Variants in PRDM16 observed in about 807,000 individuals in gnomAD.
PRDM16 encodes histone-lysine N-methyltransferase PRDM16.
PRDM16 carries 23 observed loss-of-function variants against 110.6 expected under a neutral mutation model. The ratio of observed to expected loss-of-function variants is 0.21; its 90% CI spans 0.15 to 0.29. PRDM16 has a LOEUF of 0.29. Among genes scored for constraint, PRDM16 ranks in the 10% least tolerant of loss-of-function variants. PRDM16 has a pLI of 1.00. For missense variants in PRDM16, 1,615 were observed against 1,794.3 expected (o/e 0.90, Z 1.81); for synonymous variants, 799 against 781.8 (o/e 1.02, Z -0.37).
Position 3,244,946 on chromosome 1 carries a change from G to T in PRDM16, c.438+809G>T, listed in dbSNP as rs1018096891. 2.5e-4 allele frequency among the ~76,000 whole-genome samples: 37 copies of T among 149,888 alleles called. No homozygotes were observed. Among genetic ancestry groups the T allele is most frequent in the East Asian group, 1.4e-3 (7 of 5,126 alleles). The stretch of plus-strand genomic sequence containing the variant: ...CGTGGTGGCTGATCTCCTATTTTTT[G>T]GGGGGGGGTTTCTAGTAAAATTAAA... On this transcript the variant is annotated intron_variant, in intron 3 of 16. Transcript: ENST00000270722. This position sits in a 1 kb window ranked among gnomAD's most constrained non-coding sequence, Gnocchi z 4.1.
chr1:3,316,841 TAGGC>T (rs1187984132), intron 3 of PRDM16, among the ~76,000 whole-genome samples: 1 of 151,926 alleles, frequency 6.6e-6, no homozygotes, highest in Non-Finnish European at 1.5e-5. Context: ...TGACACAAAA[TAGGC>T]AGGAAACAGT....
chr1:3,310,366 G>T (rs561941172), intron 3 of PRDM16, among the ~76,000 whole-genome samples: 10 of 152,104 alleles, frequency 6.6e-5, no homozygotes, highest in Non-Finnish European at 1.2e-4. Context: ...CCCGGTCACC[G>T]CCCCTGAAGC....
intron 3 of PRDM16, among the ~76,000 whole-genome samples, chr1:3,364,425 G>C (rs1009963133): frequency 6.6e-6 from 1 of 152,146 alleles, no homozygotes; most frequent in Admixed American, 6.5e-5. Context: ...CTCTTGAAGC[G>C]CTCAGAGGTT....
chr1:3,404,688 G>A (rs746498323), intron 6 of PRDM16, 51 bp from the exon 7 acceptor site: 24 of 1,605,766 alleles, frequency 1.5e-5, no homozygotes, highest in South Asian at 2.2e-5. Context: ...GTCCCCTCCC[G>A]GGCAGAGGGC....
chr1:3,308,746 G>A (rs1026771987), intron 3 of PRDM16: 6 of 152,240 alleles, frequency 3.9e-5, no homozygotes, highest in Admixed American at 1.3e-4. Flanking sequence ...CCCAGTGAGG[G>A]GACAGCTCCA....
intron 2 of PRDM16, among the ~76,000 whole-genome samples, chr1:3,241,650 G>A (rs111899767): frequency 0.032 from 4,936 of 152,362 alleles, 281 homozygotes; most frequent in African/African-American, 0.11. Context: ...CCAAGCCCAC[G>A]TCAGACTCCG....
intron 1 of PRDM16, among the ~76,000 whole-genome samples, chr1:3,151,987 T>C (rs924501074): frequency 6.6e-6 from 1 of 152,224 alleles, no homozygotes; most frequent in Non-Finnish European, 1.5e-5. Flanking sequence ...GTCTGCTCTG[T>C]CCTCTGCGTG....
At chr1:3,247,621 T>C (rs1639817578) in intron 3 of PRDM16, among the ~76,000 whole-genome samples, 2 of 152,232 alleles carry the variant, frequency 1.3e-5, no homozygotes, top group Admixed American at 1.3e-4. Context: ...TCCCTCTGTC[T>C]CACACCCTGG....
At chr1:3,312,821 T>G (rs3192920) in intron 3 of PRDM16, among the ~76,000 whole-genome samples, 15,762 of 152,342 alleles carry the variant, frequency 0.1, 986 homozygotes, top group East Asian at 0.32. Flanking sequence ...TTCTGAAAAG[T>G]GTGCCTAGAT....
chr1:3,355,994 G>A (rs1642588982), intron 3 of PRDM16, among the ~76,000 whole-genome samples: 1 of 152,146 alleles, frequency 6.6e-6, no homozygotes, highest in Non-Finnish European at 1.5e-5. Context: ...CTGATGAGTG[G>A]CCCGTTGGTG....
intron 1 of PRDM16, among the ~76,000 whole-genome samples, chr1:3,162,647 C>T (rs1299924052): frequency 6.6e-6 from 1 of 152,250 alleles, no homozygotes; most frequent in Non-Finnish European, 1.5e-5. Flanking sequence ...AGCCCGTGCG[C>T]CGATGGAGGC....
chr1:3,410,646 G>A (rs2493295), intron 8 of PRDM16, among the ~76,000 whole-genome samples: 1,773 of 152,276 alleles, frequency 0.012, 32 homozygotes, highest in African/African-American at 0.039. Flanking sequence ...GGTGCGGAGA[G>A]GGGAGGTGGG....
At chr1:3,418,629 T>G (rs1456458684) in intron 11 of PRDM16, 38 bp from the exon 12 acceptor site, 2 of 1,408,642 alleles carry the variant, frequency 1.4e-6, no homozygotes, top group Non-Finnish European at 2.0e-6. Context: ...AAGCCCACCC[T>G]AATCCTCCCT....
At position 3,299,080 on chromosome 1, in the gene PRDM16, C is replaced by T. The variant is rs552707262; in HGVS notation, c.438+54943C>T. On this transcript the variant is annotated intron_variant, in intron 3 of 16. Transcript: ENST00000270722. The stretch of plus-strand genomic sequence containing the variant: ...CATTTCTCTCCTCTCCCTCAAGACA[C>T]TGGCTCGGCCCTTGTTGGAGATGCT... 1.8e-4 allele frequency among the ~76,000 whole-genome samples: 27 copies of T among 152,366 alleles called. No homozygotes were observed. In the South Asian group the frequency reaches 4.6e-3, roughly 26 times the overall value.
intron 1 of PRDM16, among the ~76,000 whole-genome samples, chr1:3,155,373 T>G (rs1315856101): frequency 6.6e-6 from 1 of 152,234 alleles, no homozygotes; most frequent in African/African-American, 2.4e-5. Context: ...TAGCATGGTC[T>G]CCGCGAGGAC....
At chr1:3,267,143 G>A (rs1332294224) in intron 3 of PRDM16, among the ~76,000 whole-genome samples, 1 of 152,178 alleles carries the variant, frequency 6.6e-6, no homozygotes, top group African/African-American at 2.4e-5. Context: ...TTGCCCTGAA[G>A]GAGACCCTGT....
Position 3,425,451 on chromosome 1 carries a change from G to A in PRDM16, c.2940-130G>A. On this transcript the variant is annotated intron_variant, in intron 12 of 16. Coordinates refer to ENST00000270722, the MANE Select transcript of PRDM16 (RefSeq NM_022114.4). This position sits in a 1 kb window ranked among gnomAD's most constrained non-coding sequence, Gnocchi z 6.9. ...CAGCTGGGAGATCCAGCAACCTCCG[G>A]GACACGGCGGGGCAAAGCTGTGCAC... 1 of 985,742 alleles carries A rather than the reference G, an allele frequency of 1.0e-6. No individual in the cohort carries two copies. The highest frequency in any genetic ancestry group is 1.5e-6 in the Non-Finnish European group (1 of 677,480). 61.1% of individuals were successfully genotyped at this position (985,742 alleles called of 1,614,324 possible).
chr1:3,246,873 A>T lies in PRDM16; in HGVS notation c.438+2736A>T, dbSNP rs912763453. The stretch of plus-strand genomic sequence containing the variant: ...TAAAATTCAAAGGCAAAGTCTTCAG[A>T]CTCGGGGGCCAGGAAGACCAGGACA... On this transcript the variant is annotated intron_variant, in intron 3 of 16. Coordinates refer to ENST00000270722, the MANE Select transcript of PRDM16 (RefSeq NM_022114.4). This position sits in a 1 kb window ranked among gnomAD's most constrained non-coding sequence, Gnocchi z 5.2. 6.6e-6 allele frequency among the ~76,000 whole-genome samples: 1 copy of T among 151,936 alleles called. No homozygotes were observed. The highest frequency in any genetic ancestry group is 1.9e-4 in the East Asian group (1 of 5,160).
intron 5 of PRDM16, among the ~76,000 whole-genome samples, chr1:3,402,446 A>G (rs1016276850): frequency 1.3e-5 from 2 of 152,232 alleles, no homozygotes; most frequent in Non-Finnish European, 2.9e-5. Flanking sequence ...TAAACAAAGC[A>G]CTTGGCCCGG....
Sources: allele counts gnomAD v4.1 joint callset (sites outside exome capture counted in the v4.1 genomes callset), GRCh38; gene constraint gnomAD v4.1.1; non-coding constraint Gnocchi (gnomAD v3.1); transcripts MANE v1.5; gene names NCBI Gene and HGNC (gene_info 2026-07-23, HGNC 2026-07-21).